The following TTC28 variants were observed in gnomAD, a reference collection of about 807,000 sequenced individuals.
TTC28 encodes tetratricopeptide repeat protein 28.
Under a neutral mutation model 198.0 loss-of-function variants are expected in TTC28, and 61 were observed. The ratio of observed to expected loss-of-function variants is 0.31; its 90% CI spans 0.25 to 0.38. TTC28 has a LOEUF of 0.38. Among genes scored for constraint, TTC28 ranks in the 10% least tolerant of loss-of-function variants. TTC28 has a pLI of 1.00. For synonymous variants in TTC28, 1,171 were observed against 1,297.8 expected, an observed-to-expected ratio of 0.90 and a Z score of 2.10; for missense variants, 2,678 against 3,164.0, an observed-to-expected ratio of 0.85 and a Z score of 3.69.
chr22:28,216,396 AC>A (rs1442963723), intron 5 of TTC28, among the ~76,000 whole-genome samples: 2 of 152,206 alleles, frequency 1.3e-5, no homozygotes, highest in African/African-American at 4.8e-5. Context: ...CCTTTGGTGC[AC>A]AAATTCATTA....
chr22:28,233,563 A>G (rs1372857664), intron 5 of TTC28, among the ~76,000 whole-genome samples: 2 of 152,202 alleles, frequency 1.3e-5, no homozygotes, highest in Non-Finnish European at 2.9e-5. Flanking sequence ...CCAGTTAGAC[A>G]TATGTATTCC....
intron 5 of TTC28, among the ~76,000 whole-genome samples, chr22:28,230,384 A>C (rs998772323): frequency 6.6e-6 from 1 of 152,224 alleles, no homozygotes; most frequent in Admixed American, 6.5e-5. Flanking sequence ...AGCTTTCTGC[A>C]GATTATTAAA....
chr22:28,595,450 G>A (rs150641932), intron 2 of TTC28, among the ~76,000 whole-genome samples: 2 of 152,134 alleles, frequency 1.3e-5, no homozygotes, highest in East Asian at 1.9e-4. Context: ...TTGTGACCCC[G>A]TAGCATTTTC....
chr22:28,163,066 G>A lies in TTC28; in HGVS notation c.1441+26C>T, dbSNP rs567860603. Reference sequence around the variant, plus strand: ...TTTCCAGCTCATGACTTTGACCTGGGCTCTTACAGGCAACCCTGTTCTTAC... The same window carrying A: ...TTTCCAGCTCATGACTTTGACCTGGACTCTTACAGGCAACCCTGTTCTTAC... On this transcript the variant is annotated intron_variant, in intron 6 of 22. Transcript: ENST00000397906. 5 of 1,517,068 alleles carry A rather than the reference G, an allele frequency of 3.3e-6. No homozygotes were observed. The South Asian group carries it at 5.1e-5, about 16-fold the overall frequency. The allele number at this position is 1,517,068 out of a possible 1,614,324, so 94.0% of individuals were successfully genotyped here.
chr22:28,209,401 G>C (rs1431297676), intron 5 of TTC28, among the ~76,000 whole-genome samples: 1 of 152,166 alleles, frequency 6.6e-6, no homozygotes, highest in East Asian at 1.9e-4. Context: ...GGGAAGCCGT[G>C]ACAGACCGTA....
chr22:28,084,098 A>G lies in TTC28; in HGVS notation c.3932+9982T>C, dbSNP rs368764254. 3.9e-4 allele frequency among the ~76,000 whole-genome samples: 60 copies of G among 152,338 alleles called. 1 individual carries two copies. In the East Asian group the frequency reaches 0.01, roughly 26 times the overall value. ...CCACCTCTGGGGGCAGGGCACAGAC[A>G]AACAAAAGACAGCAACAACCTCTGC... On this transcript the variant is annotated intron_variant, in intron 12 of 22. Transcript: ENST00000397906.
chr22:28,137,335 T>C (rs886750030), intron 6 of TTC28, among the ~76,000 whole-genome samples: 5 of 152,172 alleles, frequency 3.3e-5, no homozygotes, highest in Non-Finnish European at 5.9e-5. Flanking sequence ...AGGAAATTCA[T>C]GCATCCACAA....
chr22:28,068,174 C>T (rs1455869301), intron 12 of TTC28, among the ~76,000 whole-genome samples: 3 of 152,088 alleles, frequency 2.0e-5, no homozygotes, highest in Non-Finnish European at 4.4e-5. Context: ...AGAGCTTATC[C>T]ACAGTAAATG....
At chr22:28,252,436 T>C (rs187043875) in intron 5 of TTC28, among the ~76,000 whole-genome samples, 256 of 152,338 alleles carry the variant, frequency 1.7e-3, no homozygotes, top group African/African-American at 6.0e-3. Context: ...GCCAGATAGT[T>C]AAGCTGTAAC....
At chr22:28,011,456 TG>T (rs1407391181) in intron 14 of TTC28, among the ~76,000 whole-genome samples, 2 of 151,806 alleles carry the variant, frequency 1.3e-5, no homozygotes, top group Non-Finnish European at 2.9e-5. Context: ...ATTAGCTGGG[TG>T]TGGTGGTGCA....
chr22:28,098,904 G>T lies in TTC28; in HGVS notation c.3547+11C>A. The T allele has an allele frequency of 6.4e-7, 1 of 1,551,456 alleles. No individual in the cohort carries two copies. The highest frequency in any genetic ancestry group is 1.4e-5 in the African/African-American group (1 of 73,172). ...CACACGTAAGCAAGGAGTAACCCCA[G>T]CTGTTCTCACCTAGGCTGACGAGCA... On this transcript the variant is annotated intron_variant, in intron 10 of 22. Transcript: ENST00000397906.
intron 9 of TTC28, among the ~76,000 whole-genome samples, chr22:28,100,561 T>C (rs904257992): frequency 2.0e-5 from 3 of 152,230 alleles, no homozygotes; most frequent in African/African-American, 7.2e-5. Flanking sequence ...TCAACTCTTG[T>C]GAGCACCTCT....
chr22:28,659,311 C>A (rs1004228053), intron 1 of TTC28, among the ~76,000 whole-genome samples: 1 of 152,146 alleles, frequency 6.6e-6, no homozygotes, highest in African/African-American at 2.4e-5. Flanking sequence ...CTGTGTTGCC[C>A]AGGATGAAGT....
intron 1 of TTC28, among the ~76,000 whole-genome samples, chr22:28,673,579 A>G (rs886444839): frequency 2.6e-5 from 4 of 152,232 alleles, no homozygotes; most frequent in African/African-American, 9.6e-5. Context: ...AGAATTGCAT[A>G]AAGAGTATCA....
At chr22:28,277,529 C>A (rs182019276) in intron 5 of TTC28, among the ~76,000 whole-genome samples, 38 of 152,186 alleles carry the variant, frequency 2.5e-4, no homozygotes, top group Non-Finnish European at 4.4e-4. Flanking sequence ...GATGGTTTTA[C>A]AAAATTAAAA....
intron 5 of TTC28, among the ~76,000 whole-genome samples, chr22:28,221,442 T>C (rs867344739): frequency 1.7e-4 from 26 of 152,310 alleles, no homozygotes; most frequent in Admixed American, 6.5e-4. Context: ...TAGGTGAAGC[T>C]GAACTTTAAG....
rs144257282 is a variant in TTC28, at chr22:28,122,140, T to C, written c.1442-13737A>G. On this transcript the variant is annotated intron_variant, in intron 6 of 22. Coordinates refer to ENST00000397906, the MANE Select transcript of TTC28 (RefSeq NM_001145418.2). ...TCCTTGACCTCCCAAAGTGATAGGA[T>C]TGCAGGTGTGAACCACCGCGCTCAG... Among the ~76,000 whole-genome samples, 3 of 152,306 alleles carry C rather than the reference T, an allele frequency of 2.0e-5. No individual in the cohort carries two copies. In the East Asian group the frequency reaches 5.8e-4, roughly 29 times the overall value.
At chr22:28,438,835 G>T (rs1209625873) in intron 2 of TTC28, among the ~76,000 whole-genome samples, 2 of 152,134 alleles carry the variant, frequency 1.3e-5, no homozygotes, top group Non-Finnish European at 2.9e-5. Flanking sequence ...AGGCCAATAA[G>T]GTTATATGAA....
intron 13 of TTC28, among the ~76,000 whole-genome samples, chr22:28,020,629 C>T (rs187335395): frequency 1.3e-5 from 2 of 152,312 alleles, no homozygotes; most frequent in East Asian, 3.9e-4. Flanking sequence ...GCACTGCTCA[C>T]ACTCCTTTGG....
Sources: allele counts gnomAD v4.1 joint callset (sites outside exome capture counted in the v4.1 genomes callset), GRCh38; gene constraint gnomAD v4.1.1; transcripts MANE v1.5; gene names NCBI Gene and HGNC (gene_info 2026-07-23, HGNC 2026-07-21).